Variants in PIK3R1 observed in about 807,000 individuals in gnomAD.
PIK3R1 encodes the protein phosphoinositide-3-kinase regulatory subunit 1, also known as phosphatidylinositol 3-kinase regulatory subunit alpha.
In PIK3R1, 29 loss-of-function variants were observed where a neutral mutation model predicts 98.0. The ratio of observed to expected loss-of-function variants is 0.30; its 90% confidence interval spans 0.22 to 0.40. The LOEUF is 0.40. Ranked by LOEUF, PIK3R1 falls within the 10% of genes least tolerant of loss-of-function variation. The pLI, the probability that PIK3R1 is intolerant of heterozygous loss-of-function variation, is 1.00. For synonymous variants in PIK3R1, 282 were observed against 311.8 expected, an observed-to-expected ratio of 0.90 and a Z score of 1.01; for missense variants, 596 against 872.7, an observed-to-expected ratio of 0.68 and a Z score of 3.99.
chr5:68,226,513 A>C lies in PIK3R1; in HGVS notation c.-163A>C, dbSNP rs529608458. ...AGGACAGATGGACAGCCGTATGGCC[A>C]GTCACCTCTCCTCTTAAACCTTTGG... On this transcript the variant is annotated 5_prime_UTR_variant, in exon 2 of 16. Transcript: ENST00000521381. 1.7e-5 allele frequency: 10 copies of C among 603,918 alleles called. No individual in the cohort carries two copies. The African/African-American group carries it at 1.8e-4, about 11-fold the overall frequency. The allele number at this position is 603,918 out of a possible 1,614,324, so 37.4% of individuals were successfully genotyped here. A position where few individuals can be genotyped will look rare whatever the true frequency, so the allele number is the denominator to read the frequency against.
intron 14 of PIK3R1, chr5:68,295,691 A>T: frequency 1.7e-6 from 1 of 589,332 alleles, no homozygotes; most frequent in Non-Finnish European, 3.0e-6. Flanking sequence ...ATTTTTACTC[A>T]TAATGCTGTG....
chr5:68,228,412 C>A (rs1744359296), intron 2 of PIK3R1, among the ~76,000 whole-genome samples: 1 of 152,148 alleles, frequency 6.6e-6, no homozygotes, highest in South Asian at 2.1e-4. Flanking sequence ...ATACTTATTT[C>A]ATAAATGTTA....
chr5:68,279,958 C>T (rs1746756534), intron 5 of PIK3R1, among the ~76,000 whole-genome samples: 1 of 152,216 alleles, frequency 6.6e-6, no homozygotes, highest in Admixed American at 6.5e-5. Context: ...TCAGAAATGG[C>T]TCATTGTTAA....
intron 2 of PIK3R1, among the ~76,000 whole-genome samples, chr5:68,238,116 A>G (rs1467755159): frequency 6.6e-6 from 1 of 152,234 alleles, no homozygotes; most frequent in African/African-American, 2.4e-5. Context: ...TGAGTATTAC[A>G]GGCTCTCCAT....
At chr5:68,267,658 A>AG (rs1272813868) in intron 2 of PIK3R1, among the ~76,000 whole-genome samples, 1 of 152,158 alleles carries the variant, frequency 6.6e-6, no homozygotes, top group Non-Finnish European at 1.5e-5. Flanking sequence ...CTCCAAAAAA[A>AG]AAAGCTCTTG....
rs1322648781 is a variant in PIK3R1 at position 68,301,499 on chromosome 5, TA to T, written c.*3899del. On this transcript the variant is annotated 3_prime_UTR_variant, in exon 16 of 16. Coordinates refer to ENST00000521381, the MANE Select transcript of PIK3R1 (RefSeq NM_181523.3). ...ATACATATATGTATATATATGCACA[TA>T]TATATATGTATTTAAAAAAATCAAA... is the stretch of plus-strand genomic sequence containing the variant. 1 of 145,254 alleles carries T rather than the reference TA, an allele frequency of 6.9e-6. No individual in the cohort carries two copies. Among genetic ancestry groups the T allele is most frequent in the Non-Finnish European group, 1.5e-5 (1 of 67,764 alleles). The allele number at this position is 145,254 out of a possible 1,614,324, so 9.0% of individuals were successfully genotyped here.
At chr5:68,287,193 G>T (rs971250004) in intron 7 of PIK3R1, among the ~76,000 whole-genome samples, 4 of 152,194 alleles carry the variant, frequency 2.6e-5, no homozygotes, top group Non-Finnish European at 5.9e-5. Flanking sequence ...CAAAGGGAAT[G>T]AAATGTTTTG....
chr5:68,274,791 A>G (rs569575697), intron 4 of PIK3R1, among the ~76,000 whole-genome samples: 11 of 152,338 alleles, frequency 7.2e-5, no homozygotes, highest in Middle Eastern at 3.4e-3. Flanking sequence ...CTACAAATCA[A>G]TTTACTTGCC....
At chr5:68,233,765 AAAAAC>A (rs1339535942) in intron 2 of PIK3R1, among the ~76,000 whole-genome samples, 1 of 152,250 alleles carries the variant, frequency 6.6e-6, no homozygotes, top group Non-Finnish European at 1.5e-5. Flanking sequence ...CCTTGCAATT[AAAAAC>A]AAAACAAATC....
chr5:68,295,439 G>A lies in PIK3R1; in HGVS notation c.1765G>A (p.Val589Ile), dbSNP rs747609096. The A allele has an allele frequency of 6.2e-7, 1 of 1,614,190 alleles. No individual in the cohort carries two copies. Among genetic ancestry groups the A allele is most frequent in the Non-Finnish European group, 8.5e-7 (1 of 1,180,026 alleles). ...TTTCAGGTGGTTGACTCAAAAAGGT[G>A]TTCGGCAAAAGAAGTTGAACGAGTG... ...QYLMWLTQKG[V>I]RQKKLNEWLG... Residue 589 changes from valine (V) to isoleucine (I), a missense_variant, in exon 14 of 16, where the codon GTT becomes ATT. Physicochemically the swap from Val to Ile is conservative, Grantham distance 29 (BLOSUM62 3). Around this residue, in one of 3 missense-constraint regions of PIK3R1, gnomAD observed 207 missense variants for 361.4 expected, o/e 0.57. Coordinates refer to ENST00000521381, the MANE Select transcript of PIK3R1 (RefSeq NM_181523.3).
In PIK3R1 at chr5:68,280,736, G is replaced by A; in HGVS notation, c.836+7G>A. 1 of 1,612,430 alleles carries A rather than the reference G, an allele frequency of 6.2e-7. No individual in the cohort carries two copies. Among genetic ancestry groups the A allele is most frequent in the Non-Finnish European group, 8.5e-7 (1 of 1,178,582 alleles). On this transcript the variant is annotated splice_region_variant and intron_variant, in intron 6 of 15. Coordinates refer to ENST00000521381, the MANE Select transcript of PIK3R1 (RefSeq NM_181523.3). ...TCAGATTCTCAGCAGCCAGGTAAGT[G>A]AAAGGAGACAAACATGTATTTTGGG...
intron 1 of PIK3R1, among the ~76,000 whole-genome samples, chr5:68,217,050 G>T (rs1475222327): frequency 6.6e-6 from 1 of 152,190 alleles, no homozygotes; most frequent in Non-Finnish European, 1.5e-5. Context: ...CCGAGTGTGA[G>T]TCTGCTCTTT....
At chr5:68,247,456 G>T (rs1745143251) in intron 2 of PIK3R1, among the ~76,000 whole-genome samples, 1 of 151,426 alleles carries the variant, frequency 6.6e-6, no homozygotes, top group Admixed American at 6.6e-5. Flanking sequence ...GCGCCACCAT[G>T]CCTGGCTAAT....
chr5:68,247,998 C>CT (rs377116887), intron 2 of PIK3R1, among the ~76,000 whole-genome samples: 3,226 of 145,334 alleles, frequency 0.022, 43 homozygotes, highest in Non-Finnish European at 0.026. Context: ...GGAAAATGTT[C>CT]TTTTTTTTTT....
chr5:68,239,699 TC>T (rs1744800032), intron 2 of PIK3R1, among the ~76,000 whole-genome samples: 1 of 152,204 alleles, frequency 6.6e-6, no homozygotes, highest in Non-Finnish European at 1.5e-5. Context: ...GGGTTAATGT[TC>T]ACACTGCTTG....
At chr5:68,257,530 T>A (rs1368201898) in intron 2 of PIK3R1, among the ~76,000 whole-genome samples, 1 of 152,262 alleles carries the variant, frequency 6.6e-6, no homozygotes, top group African/African-American at 2.4e-5. Context: ...TGGGCTGTAC[T>A]ACACTTTGAA....
chr5:68,235,316 T>G (rs1744621079), intron 2 of PIK3R1, among the ~76,000 whole-genome samples: 1 of 151,918 alleles, frequency 6.6e-6, no homozygotes, highest in African/African-American at 2.4e-5. Context: ...GGCAGGAGAA[T>G]CGCTTGAAAC....
chr5:68,265,944 CCTT>C (rs1561281395), intron 2 of PIK3R1, among the ~76,000 whole-genome samples: 1 of 152,150 alleles, frequency 6.6e-6, no homozygotes, highest in East Asian at 1.9e-4. Context: ...GCTTTTTTCT[CCTT>C]ATTTCCATCC....
chr5:68,230,874 C>T (rs1205011155), intron 2 of PIK3R1, among the ~76,000 whole-genome samples: 1 of 152,120 alleles, frequency 6.6e-6, no homozygotes, highest in Non-Finnish European at 1.5e-5. Context: ...GAACCTCTTC[C>T]ATGTTTTGTT....
Sources: allele counts gnomAD v4.1 joint callset (sites outside exome capture counted in the v4.1 genomes callset), GRCh38; gene constraint gnomAD v4.1.1; regional missense constraint gnomAD v4.1.1; transcripts MANE v1.5; gene names NCBI Gene and HGNC (gene_info 2026-07-23, HGNC 2026-07-21).